The following TULP4 variants were observed in gnomAD, a reference collection of about 807,000 sequenced individuals.
TULP4 encodes TUB like protein 4, also known as tubby-related protein 4.
Under a neutral mutation model 129.0 loss-of-function variants are expected in TULP4, and 16 were observed. That is an observed-to-expected ratio of 0.12 (90% CI 0.08 to 0.19). The LOEUF (loss-of-function observed/expected upper bound fraction) is 0.19, where lower values mean the gene tolerates loss of function less well. Among genes scored for constraint, TULP4 ranks in the 10% least tolerant of loss-of-function variants. The pLI is 1.00. For synonymous variants in TULP4, 998 were observed against 854.0 expected (o/e 1.17, Z -2.94); for missense variants, 1,842 against 2,059.1 (o/e 0.89, Z 2.04).
intron 1 of TULP4, among the ~76,000 whole-genome samples, chr6:158,248,728 C>T (rs891982231): frequency 1.2e-4 from 18 of 151,576 alleles, no homozygotes; most frequent in African/African-American, 3.9e-4. Context: ...GGTAACAGAG[C>T]GAGACCCAGT....
intron 1 of TULP4, among the ~76,000 whole-genome samples, chr6:158,245,359 T>G (rs1778009338): frequency 6.6e-6 from 1 of 152,068 alleles, no homozygotes; most frequent in Admixed American, 6.6e-5. Context: ...AAGTATCATG[T>G]TATGATGACT....
At chr6:158,492,060 A>G (rs1780223770) in intron 9 of TULP4, among the ~76,000 whole-genome samples, 3 of 151,864 alleles carry the variant, frequency 2.0e-5, no homozygotes, top group Non-Finnish European at 1.5e-5. Flanking sequence ...GGGTTTCACC[A>G]TATTGGCCAG....
intron 1 of TULP4, among the ~76,000 whole-genome samples, chr6:158,292,711 T>C (rs1778966636): frequency 6.6e-6 from 1 of 152,242 alleles, no homozygotes; most frequent in African/African-American, 2.4e-5. Context: ...GATTATCTCA[T>C]ATTTTTCCCT....
intron 1 of TULP4, among the ~76,000 whole-genome samples, chr6:158,372,246 C>T (rs548396893): frequency 6.3e-4 from 78 of 124,760 alleles, no homozygotes; most frequent in Non-Finnish European, 1.1e-3. Flanking sequence ...AATAGCAAAA[C>T]AGGAAAGGAC....
chr6:158,267,455 C>A (rs775355876), intron 1 of TULP4, among the ~76,000 whole-genome samples: 1 of 152,092 alleles, frequency 6.6e-6, no homozygotes, highest in African/African-American at 2.4e-5. Context: ...AGGAGGTTGT[C>A]CTTGCCTTTC....
At chr6:158,275,760 A>G (rs889801643) in intron 1 of TULP4, among the ~76,000 whole-genome samples, 11 of 152,236 alleles carry the variant, frequency 7.2e-5, no homozygotes, top group Non-Finnish European at 2.9e-5. Flanking sequence ...TAAATAAACA[A>G]TAACTTAGCA....
Position 158,483,886 on chromosome 6 carries a change from G to A in TULP4, c.1486+2597G>A, listed in dbSNP as rs184751129. On this transcript the variant is annotated intron_variant, in intron 8 of 13. Transcript: ENST00000367097. ...GCAGATATGTTCCTCAAAATCACCAGTGTGTATTTTTATACCAGATACCAT... is the reference window on the plus strand; with the variant it reads ...GCAGATATGTTCCTCAAAATCACCAATGTGTATTTTTATACCAGATACCAT... Among the ~76,000 whole-genome samples the A allele has an allele frequency of 2.6e-5, 4 of 151,750 alleles. No individual in the cohort carries two copies. In the East Asian group the frequency reaches 7.7e-4, roughly 29 times the overall value.
At chr6:158,263,651 G>C (rs1778390832) in intron 1 of TULP4, among the ~76,000 whole-genome samples, 1 of 152,172 alleles carries the variant, frequency 6.6e-6, no homozygotes, top group Non-Finnish European at 1.5e-5. Flanking sequence ...AGCTACCCGG[G>C]AGAGTAAGGT....
intron 1 of TULP4, among the ~76,000 whole-genome samples, chr6:158,239,554 A>ACCTC (rs1777810187): frequency 2.6e-5 from 1 of 38,588 alleles, no homozygotes; most frequent in Admixed American, 3.1e-4. Context: ...GGCGCCCCTC[A>ACCTC]CCTCCCGGAC....
intron 1 of TULP4, among the ~76,000 whole-genome samples, chr6:158,326,301 G>C (rs2128489767): frequency 6.6e-6 from 1 of 152,150 alleles, no homozygotes; most frequent in East Asian, 1.9e-4. Context: ...CAATTAGATG[G>C]TTTATCAGTT....
At chr6:158,325,809 T>C (rs1269336135) in intron 1 of TULP4, among the ~76,000 whole-genome samples, 4 of 152,190 alleles carry the variant, frequency 2.6e-5, no homozygotes, top group Non-Finnish European at 5.9e-5. Flanking sequence ...CTCAGTAGTG[T>C]GAGTTAATTT....
chr6:158,398,312 G>T (rs1327276241), intron 1 of TULP4, among the ~76,000 whole-genome samples: 1 of 152,192 alleles, frequency 6.6e-6, no homozygotes, highest in Non-Finnish European at 1.5e-5. Context: ...TACATACAAG[G>T]TGTGGGAAGA....
At chr6:158,256,581 T>C (rs1164106209) in intron 1 of TULP4, among the ~76,000 whole-genome samples, 1 of 152,240 alleles carries the variant, frequency 6.6e-6, no homozygotes, top group Non-Finnish European at 1.5e-5. Flanking sequence ...TTGAACTTTT[T>C]AGCATTTCCA....
intron 1 of TULP4, among the ~76,000 whole-genome samples, chr6:158,352,475 C>T (rs1780548104): frequency 6.6e-6 from 1 of 152,212 alleles, no homozygotes; most frequent in Non-Finnish European, 1.5e-5. Flanking sequence ...CGGCTCACTG[C>T]AAACTCCACC....
At chr6:158,495,286 C>G (rs752055166) in intron 11 of TULP4, among the ~76,000 whole-genome samples, 5 of 152,112 alleles carry the variant, frequency 3.3e-5, no homozygotes, top group Non-Finnish European at 5.9e-5. Flanking sequence ...CTCCTGAGCT[C>G]AAGCAATTTG....
At chr6:158,300,305 C>G (rs1779111206) in intron 1 of TULP4, among the ~76,000 whole-genome samples, 1 of 152,130 alleles carries the variant, frequency 6.6e-6, no homozygotes, top group South Asian at 2.1e-4. Flanking sequence ...CACTGGCTTG[C>G]CTTCATTTAG....
intron 1 of TULP4, among the ~76,000 whole-genome samples, chr6:158,345,824 T>C (rs1339977876): frequency 1.3e-5 from 2 of 152,188 alleles, no homozygotes; most frequent in African/African-American, 2.4e-5. Flanking sequence ...GGTTTTTCCC[T>C]ACCCTAGTAA....
At chr6:158,273,049 G>A (rs1193693341) in intron 1 of TULP4, among the ~76,000 whole-genome samples, 1 of 152,218 alleles carries the variant, frequency 6.6e-6, no homozygotes, top group African/African-American at 2.4e-5. Context: ...CTTCACTGGA[G>A]CTTGAGCCTG....
intron 1 of TULP4, among the ~76,000 whole-genome samples, chr6:158,317,791 C>G (rs562551469): frequency 1.3e-5 from 2 of 152,290 alleles, no homozygotes; most frequent in Admixed American, 1.3e-4. Flanking sequence ...AAAAGCGTTA[C>G]TATTTCTCCA....
Sources: gnomAD v4.1 joint callset for allele counts (sites outside exome capture counted in the v4.1 genomes callset) on GRCh38, gnomAD v4.1.1 for gene constraint, MANE v1.5 for transcripts, NCBI Gene and HGNC (gene_info 2026-07-23, HGNC 2026-07-21) for gene names.